HIF1A: variants seen among roughly 807,000 people sequenced by gnomAD.
HIF1A encodes hypoxia-inducible factor 1-alpha.
A neutral mutation model predicts 92.7 loss-of-function variants in HIF1A; 24 were observed. The observed-to-expected ratio is 0.26, with a 90% CI of 0.19 to 0.36. The LOEUF (loss-of-function observed/expected upper bound fraction) is 0.36, where lower values mean the gene tolerates loss of function less well. HIF1A is among the 10% of genes least tolerant of loss of function. The pLI is 1.00. For missense variants in HIF1A, 799 were observed against 998.5 expected (o/e 0.80, Z 2.69); for synonymous variants, 319 against 338.7 (o/e 0.94, Z 0.64).
At chr14:61,707,031 A>G (rs2044246324) in intron 1 of HIF1A, among the ~76,000 whole-genome samples, 1 of 152,206 alleles carries the variant, frequency 6.6e-6, no homozygotes, top group South Asian at 2.1e-4. Flanking sequence ...GGAGGTGGAT[A>G]TATTTCCTGT....
chr14:61,712,530 G>A (rs888885930), intron 1 of HIF1A, among the ~76,000 whole-genome samples: 1 of 149,590 alleles, frequency 6.7e-6, no homozygotes, highest in African/African-American at 2.5e-5. Context: ...TTACAGGGGT[G>A]CAAAGAAACA....
At chr14:61,706,997 A>T (rs2044245834) in intron 1 of HIF1A, among the ~76,000 whole-genome samples, 1 of 152,202 alleles carries the variant, frequency 6.6e-6, no homozygotes, top group African/African-American at 2.4e-5. Flanking sequence ...CTAAGTTCTA[A>T]GTATGTGGTG....
rs760291798 is a variant in HIF1A, at chr14:61,695,795, C to T, written c.-10C>T. ...GCCCGCCGTGAAGACATCGCGGGGA[C>T]CGATTCACCATGGAGGGCGCCGGCG... On this transcript the variant is annotated 5_prime_UTR_variant, in exon 1 of 15. Coordinates refer to ENST00000337138, the MANE Select transcript of HIF1A (RefSeq NM_001530.4). 1.3e-6 allele frequency: 2 copies of T among 1,596,750 alleles called. No homozygotes were observed. Among genetic ancestry groups the T allele is most frequent in the South Asian group, 2.3e-5 (2 of 87,956 alleles).
At chr14:61,709,096 C>T (rs1391927094) in intron 1 of HIF1A, among the ~76,000 whole-genome samples, 1 of 152,022 alleles carries the variant, frequency 6.6e-6, no homozygotes, top group African/African-American at 2.4e-5. Flanking sequence ...GGGGTTTCTC[C>T]ATGTTGGTCA....
At position 61,747,152 on chromosome 14, in the gene HIF1A, A is replaced by C; in HGVS notation, c.*67A>C. The C allele has an allele frequency of 7.3e-7, 1 of 1,361,698 alleles. No homozygotes were observed. Among genetic ancestry groups the C allele is most frequent in the African/African-American group, 1.5e-5 (1 of 68,516 alleles). 84.4% of individuals were successfully genotyped at this position (1,361,698 alleles called of 1,614,324 possible). ...TCATTACCTAAAGCAGTCTATTTAT[A>C]TTTTCTACATCTAATTTTAGAAGCC... On this transcript the variant is annotated 3_prime_UTR_variant, in exon 15 of 15. Transcript: ENST00000337138.
chr14:61,725,522 C>G (rs112993137), intron 4 of HIF1A, among the ~76,000 whole-genome samples: 17 of 151,944 alleles, frequency 1.1e-4, no homozygotes, highest in Non-Finnish European at 2.5e-4. Context: ...TCAAGTGATT[C>G]TCACGCCTCA....
chr14:61,711,500 T>C (rs2044307870), intron 1 of HIF1A, among the ~76,000 whole-genome samples: 1 of 152,228 alleles, frequency 6.6e-6, no homozygotes, highest in Admixed American at 6.5e-5. Context: ...ACACTGAACC[T>C]CTTTTCAGCA....
intron 1 of HIF1A, chr14:61,697,822 T>C: frequency 6.7e-7 from 1 of 1,495,598 alleles, no homozygotes; most frequent in East Asian, 2.5e-5. Context: ...ACGGAGATTT[T>C]CTTCAAGCAA....
chr14:61,740,682 A>C, intron 11 of HIF1A, 55 bp downstream of exon 11: 5 of 1,545,924 alleles, frequency 3.2e-6, no homozygotes, highest in Non-Finnish European at 4.4e-6. Flanking sequence ...GTCTGAAGTG[A>C]CTTTGAGTTT....
chr14:61,744,856 A>G lies in HIF1A; in HGVS notation c.2202+43A>G, dbSNP rs753395103. ...GTTTTGCTTTTCTAGCTAATGTGCT[A>G]TTTCGTGTGTGTGTGTGTGTGTGTG... On this transcript the variant is annotated intron_variant, in intron 13 of 14. Transcript: ENST00000337138. The G allele has an allele frequency of 1.0e-5, 8 of 792,540 alleles. No individual in the cohort carries two copies. In the Admixed American group the frequency reaches 1.3e-4, roughly 13 times the overall value. The allele number at this position is 792,540 out of a possible 1,614,324, so 49.1% of individuals were successfully genotyped here.
chr14:61,702,794 T>A (rs1370959730), intron 1 of HIF1A, among the ~76,000 whole-genome samples: 1 of 152,236 alleles, frequency 6.6e-6, no homozygotes, highest in Non-Finnish European at 1.5e-5. Flanking sequence ...CACCTGCTTT[T>A]TCACTATGTA....
rs756658648 is a variant in HIF1A, at chr14:61,748,090, T to C, written c.*1005T>C. 5 of 152,570 alleles carry C rather than the reference T, an allele frequency of 3.3e-5. No homozygotes were observed. The highest frequency in any genetic ancestry group is 2.6e-4 in the Admixed American group (4 of 15,284). 9.5% of individuals were successfully genotyped at this position (152,570 alleles called of 1,614,324 possible). On this transcript the variant is annotated 3_prime_UTR_variant, in exon 15 of 15. Transcript: ENST00000337138. ...CTTTTTTTCATGTAGATTTCAATAA[T>C]TGAGTAATTTTAGAAGCATTATTTT...
intron 1 of HIF1A, among the ~76,000 whole-genome samples, chr14:61,696,159 T>TG (rs2140112462): frequency 6.6e-6 from 1 of 152,382 alleles, no homozygotes; most frequent in East Asian, 1.9e-4. Context: ...CAGCCTGCTC[T>TG]GTGGCCCCAT....
In HIF1A at chr14:61,747,648, T is replaced by C. The variant is rs537228141; in HGVS notation, c.*563T>C. On this transcript the variant is annotated 3_prime_UTR_variant, in exon 15 of 15. Coordinates refer to ENST00000337138, the MANE Select transcript of HIF1A (RefSeq NM_001530.4). ...AAGAAATTTTTTTTGGCCTATGAAA[T>C]TGTTAAACCTGGAACATGACATTGT... The C allele has an allele frequency of 6.5e-6, 1 of 152,750 alleles. No individual in the cohort carries two copies. Among genetic ancestry groups the C allele is most frequent in the East Asian group, 1.9e-4 (1 of 5,196 alleles). 9.5% of individuals were successfully genotyped at this position (152,750 alleles called of 1,614,324 possible). A position where few individuals can be genotyped will look rare whatever the true frequency, so the allele number is the denominator to read the frequency against.
chr14:61,739,540 T>C (rs2140155159), intron 10 of HIF1A, among the ~76,000 whole-genome samples: 1 of 152,334 alleles, frequency 6.6e-6, no homozygotes, highest in South Asian at 2.1e-4. Flanking sequence ...AGCCTTGTGT[T>C]GAATGAATAT....
chr14:61,725,995 T>C lies in HIF1A; in HGVS notation c.458-711T>C, dbSNP rs566144153. Among the ~76,000 whole-genome samples the C allele has an allele frequency of 1.1e-3, 160 of 151,958 alleles. 2 individuals are homozygous for C. Among genetic ancestry groups the C allele is most frequent in the African/African-American group, 3.0e-3 (126 of 41,482 alleles). On this transcript the variant is annotated intron_variant, in intron 4 of 14. Coordinates refer to ENST00000337138, the MANE Select transcript of HIF1A (RefSeq NM_001530.4). The stretch of plus-strand genomic sequence containing the variant: ...CTATCACACCCAGCTAATTTTTGTA[T>C]TTTTAGTAGAGACAGGGTTTCACCA...
At chr14:61,715,604 C>G (rs900080965) in intron 1 of HIF1A, 2 of 152,104 alleles carry the variant, frequency 1.3e-5, no homozygotes, top group African/African-American at 4.8e-5. Context: ...GGGTCCTTAT[C>G]TGTAACATGG....
intron 1 of HIF1A, among the ~76,000 whole-genome samples, chr14:61,702,439 CAAAAAAAA>C (rs149442775): frequency 5.5e-4 from 43 of 78,808 alleles, no homozygotes; most frequent in Non-Finnish European, 8.1e-5. Context: ...ATGCTGTCTC[CAAAAAAAA>C]AAAAAAAAAA....
In HIF1A at chr14:61,748,104, A is replaced by T. The variant is rs1450147761; in HGVS notation, c.*1019A>T. 1 of 152,514 alleles carries T rather than the reference A, an allele frequency of 6.6e-6. No individual in the cohort carries two copies. The highest frequency in any genetic ancestry group is 1.5e-5 in the Non-Finnish European group (1 of 67,950). The allele number at this position is 152,514 out of a possible 1,614,324, so 9.4% of individuals were successfully genotyped here. ...GATTTCAATAATTGAGTAATTTTAG[A>T]AGCATTATTTTAGGAATATATAGTT... is the stretch of plus-strand genomic sequence containing the variant. On this transcript the variant is annotated 3_prime_UTR_variant, in exon 15 of 15. Transcript: ENST00000337138.
Sources: gnomAD v4.1 joint callset for allele counts (sites outside exome capture counted in the v4.1 genomes callset) on GRCh38, gnomAD v4.1.1 for gene constraint, MANE v1.5 for transcripts, NCBI Gene and HGNC (gene_info 2026-07-23, HGNC 2026-07-21) for gene names.